Variants in UTP20 observed in about 807,000 individuals in gnomAD.
UTP20 encodes small subunit processome component 20 homolog.
UTP20 carries 164 observed loss-of-function variants against 329.5 expected under a neutral mutation model. That is an observed-to-expected ratio of 0.50 (90% CI 0.44 to 0.57). UTP20 has a LOEUF of 0.57. Ranked by LOEUF, UTP20 falls within the 20% of genes least tolerant of loss-of-function variation. UTP20 has a pLI of 0.00. For missense variants in UTP20, 3,055 were observed against 3,284.2 expected (o/e 0.93, Z 1.71); for synonymous variants, 1,151 against 1,159.3 (o/e 0.99, Z 0.14).
At chr12:101,361,495 G>A (rs943165323) in intron 43 of UTP20, among the ~76,000 whole-genome samples, 6 of 151,856 alleles carry the variant, frequency 4.0e-5, no homozygotes, top group East Asian at 1.9e-4. Flanking sequence ...TCACGATGCC[G>A]GGTGACTGTA....
In UTP20 at chr12:101,381,048, G is replaced by A. The variant is rs1345622298; in HGVS notation, c.7585-92G>A. On this transcript the variant is annotated intron_variant, in intron 57 of 61. Coordinates refer to ENST00000261637, the MANE Select transcript of UTP20 (RefSeq NM_014503.3). ...GGTCATTCAGAGCAAAATCCAGTAC[G>A]TTAGTTGTATTACAGTTATTATGTT... 18 of 1,100,884 alleles carry A rather than the reference G, an allele frequency of 1.6e-5. No homozygotes were observed. In the African/African-American group the frequency reaches 2.0e-4, roughly 12 times the overall value. 68.2% of individuals were successfully genotyped at this position (1,100,884 alleles called of 1,614,324 possible).
chr12:101,350,822 C>G (rs901093410), intron 38 of UTP20, among the ~76,000 whole-genome samples: 4 of 151,996 alleles, frequency 2.6e-5, no homozygotes, highest in African/African-American at 9.6e-5. Context: ...TCCTTACTCA[C>G]GCTTACTGCT....
intron 2 of UTP20, among the ~76,000 whole-genome samples, chr12:101,281,840 G>A (rs994851466): frequency 2.0e-5 from 3 of 152,094 alleles, no homozygotes; most frequent in African/African-American, 7.2e-5. Context: ...GAGTAGCTGG[G>A]ATTACAGGTA....
chr12:101,311,707 T>A lies in UTP20; in HGVS notation c.2232-12T>A. 1 of 1,598,386 alleles carries A rather than the reference T, an allele frequency of 6.3e-7. No homozygotes were observed. Among genetic ancestry groups the A allele is most frequent in the Non-Finnish European group, 8.5e-7 (1 of 1,175,796 alleles). ...CCACACTTTTTATTTTGTGATTTTTTTTTTCCCTTAGTTCTCATGCACACG... is the reference window on the plus strand; with the variant it reads ...CCACACTTTTTATTTTGTGATTTTTATTTTCCCTTAGTTCTCATGCACACG... On this transcript the variant is annotated splice_polypyrimidine_tract_variant and intron_variant, in intron 19 of 61. Transcript: ENST00000261637.
chr12:101,374,816 T>C lies in UTP20; in HGVS notation c.7140T>C (p.Asn2380=), dbSNP rs1409130821. ...TTWFGAKKRL[N]RQLAALICGL... The stretch of plus-strand genomic sequence containing the variant: ...TGGTTTATTTTTGGTAGCGCTTAAA[T>C]AGACAACTTGCTGCCCTGATCTGTG... Residue 2380 remains asparagine, a synonymous_variant, in exon 55 of 62, where the codon AAT becomes AAC. Transcript: ENST00000261637. The C allele has an allele frequency of 9.2e-7, 1 of 1,087,752 alleles. No individual in the cohort carries two copies. Among genetic ancestry groups the C allele is most frequent in the Non-Finnish European group, 1.4e-6 (1 of 698,582 alleles). 67.4% of individuals were successfully genotyped at this position (1,087,752 alleles called of 1,614,324 possible). A position where few individuals can be genotyped will look rare whatever the true frequency, so the allele number is the denominator to read the frequency against.
At chr12:101,333,017 A>G (rs1868810444) in intron 27 of UTP20, among the ~76,000 whole-genome samples, 1 of 152,258 alleles carries the variant, frequency 6.6e-6, no homozygotes, top group African/African-American at 2.4e-5. Flanking sequence ...GTAAAACAAT[A>G]CAGAATACAA....
intron 6 of UTP20, 117 bp downstream of exon 6, chr12:101,289,158 C>A (rs1043968223): frequency 3.5e-6 from 3 of 853,764 alleles, no homozygotes; most frequent in Non-Finnish European, 5.4e-6. Flanking sequence ...AGGTGGATCA[C>A]CTGAGGTCAG....
At chr12:101,310,963 A>G (rs1276605209) in intron 19 of UTP20, among the ~76,000 whole-genome samples, 1 of 152,216 alleles carries the variant, frequency 6.6e-6, no homozygotes, top group Non-Finnish European at 1.5e-5. Flanking sequence ...TGACATACAT[A>G]TTACCAGTAG....
At chr12:101,304,906 A>T (rs1872612107) in intron 15 of UTP20, among the ~76,000 whole-genome samples, 1 of 152,160 alleles carries the variant, frequency 6.6e-6, no homozygotes, top group Non-Finnish European at 1.5e-5. Flanking sequence ...TCCAGCTGAG[A>T]TGGCCTCCTC....
At chr12:101,339,067 C>T (rs1481423391) in intron 31 of UTP20, 110 bp downstream of exon 31, 3 of 1,151,382 alleles carry the variant, frequency 2.6e-6, no homozygotes, top group African/African-American at 1.6e-5. Flanking sequence ...AATCCCAGCA[C>T]TTTGGGAGGC....
At chr12:101,327,450 G>A (rs1216776653) in intron 26 of UTP20, among the ~76,000 whole-genome samples, 1 of 152,024 alleles carries the variant, frequency 6.6e-6, no homozygotes, top group African/African-American at 2.4e-5. Context: ...GTGGATTATC[G>A]GCACCCTTGT....
At position 101,379,532 on chromosome 12, in the gene UTP20, T is replaced by A; in HGVS notation, c.7558T>A (p.Phe2520Ile). ...CCTCCCAGAACCTGTAGCAATCAAG[T>A]TCCTAGCCAGTGACCTTGACCAAAA... Reference protein sequence around the residue: ...KHLPEPVAIKFLASDLDQKMK... With the variant: ...KHLPEPVAIKILASDLDQKMK... Residue 2520 changes from phenylalanine to isoleucine, a missense_variant, in exon 57 of 62, where the codon TTC becomes ATC. This residue lies in a region of UTP20 where 337 missense variants were observed against 345.5 expected (regional missense o/e 0.98). Coordinates refer to ENST00000261637, the MANE Select transcript of UTP20 (RefSeq NM_014503.3). 3 of 1,613,332 alleles carry A rather than the reference T, an allele frequency of 1.9e-6. No homozygotes were observed. The highest frequency in any genetic ancestry group is 2.5e-6 in the Non-Finnish European group (3 of 1,179,608).
At chr12:101,309,690 G>A (rs886532550) in intron 18 of UTP20, 73 bp from the exon 19 acceptor site, 9 of 1,459,894 alleles carry the variant, frequency 6.2e-6, no homozygotes, top group Non-Finnish European at 8.5e-6. Flanking sequence ...AACTTGGGAT[G>A]TTTGCATTTC....
At chr12:101,354,305 G>A (rs566959237) in intron 40 of UTP20, among the ~76,000 whole-genome samples, 23 of 149,134 alleles carry the variant, frequency 1.5e-4, no homozygotes, top group Middle Eastern at 3.5e-3. Flanking sequence ...TCAATCTGCA[G>A]TTAGTCATCT....
At chr12:101,317,420 A>C in intron 21 of UTP20, 58 bp from the exon 22 acceptor site, 2 of 1,567,000 alleles carry the variant, frequency 1.3e-6, no homozygotes. Flanking sequence ...CAGAATCAGC[A>C]CCTTTCAGAT....
chr12:101,287,944 G>A (rs1012985383), intron 5 of UTP20, among the ~76,000 whole-genome samples: 2 of 152,220 alleles, frequency 1.3e-5, no homozygotes, highest in Admixed American at 6.5e-5. Flanking sequence ...GCTAAGTGAT[G>A]TCAGAGAAGC....
intron 37 of UTP20, among the ~76,000 whole-genome samples, chr12:101,346,081 C>T (rs1035854629): frequency 7.9e-5 from 12 of 151,346 alleles, no homozygotes; most frequent in African/African-American, 2.2e-4. Context: ...GATGGAGTTT[C>T]GCTCTTGTTG....
At chr12:101,291,600 T>A in intron 8 of UTP20, 142 bp from the exon 9 acceptor site, 1 of 632,152 alleles carries the variant, frequency 1.6e-6, no homozygotes, top group Non-Finnish European at 2.4e-6. Context: ...TTAGCTGTTA[T>A]CGTTAGTGAG....
intron 12 of UTP20, among the ~76,000 whole-genome samples, chr12:101,297,863 A>G (rs975729165): frequency 6.6e-6 from 1 of 152,176 alleles, no homozygotes; most frequent in Non-Finnish European, 1.5e-5. Context: ...AGATCCTCCC[A>G]GGAGGGTGAC....
Sources: allele counts gnomAD v4.1 joint callset (sites outside exome capture counted in the v4.1 genomes callset), GRCh38; gene constraint gnomAD v4.1.1; regional missense constraint gnomAD v4.1.1; transcripts MANE v1.5; gene names NCBI Gene and HGNC (gene_info 2026-07-23, HGNC 2026-07-21).